SCN9A: variants seen among roughly 807,000 people sequenced by gnomAD.
SCN9A encodes the protein sodium voltage-gated channel alpha subunit 9.
SCN9A carries 131 observed loss-of-function variants against 187.0 expected under a neutral mutation model. The ratio of observed to expected loss-of-function variants is 0.70; its 90% CI spans 0.61 to 0.81. SCN9A has a LOEUF of 0.81. SCN9A is among the 30% of genes least tolerant of loss of function. The pLI is 0.00. For missense variants in SCN9A, 2,252 were observed against 2,396.6 expected (o/e 0.94, Z 1.26); for synonymous variants, 809 against 808.6 (o/e 1.00, Z -0.01).
At chr2:166,372,063 A>G (rs964932894) in intron 1 of SCN9A, among the ~76,000 whole-genome samples, 2 of 149,456 alleles carry the variant, frequency 1.3e-5, no homozygotes, top group African/African-American at 5.0e-5. Flanking sequence ...TAAAGGGGGG[A>G]GGCAAATCAC....
At chr2:166,217,502 A>T (rs1166118056) in intron 24 of SCN9A, among the ~76,000 whole-genome samples, 2 of 152,102 alleles carry the variant, frequency 1.3e-5, no homozygotes, top group Non-Finnish European at 2.9e-5. Flanking sequence ...AAAAAGCTCA[A>T]GCAACTCAAC....
chr2:166,201,259 CTATACA>C (rs1241522007), intron 26 of SCN9A, among the ~76,000 whole-genome samples: 24 of 140,374 alleles, frequency 1.7e-4, no homozygotes, highest in Non-Finnish European at 2.8e-4. Flanking sequence ...TATACATATA[CTATACA>C]TATACATATA....
At chr2:166,343,151 C>G (rs1285684840) in intron 1 of SCN9A, among the ~76,000 whole-genome samples, 1 of 151,714 alleles carries the variant, frequency 6.6e-6, no homozygotes, top group East Asian at 1.9e-4. Context: ...AAAAAGAGCA[C>G]CGATTTTTTT....
chr2:166,296,214 A>T (rs1698293913), intron 7 of SCN9A: 1 of 151,832 alleles, frequency 6.6e-6, no homozygotes, highest in South Asian at 2.1e-4. Context: ...TAAAGTTGTT[A>T]AATAGTATAA....
At chr2:166,360,706 T>C (rs1490144107) in intron 1 of SCN9A, among the ~76,000 whole-genome samples, 1 of 152,158 alleles carries the variant, frequency 6.6e-6, no homozygotes, top group Non-Finnish European at 1.5e-5. Flanking sequence ...ATATCTGTCT[T>C]ATAAAGTTAT....
rs986047440 is a variant in SCN9A, at chr2:166,199,266, G to A, written c.5373C>T (p.Pro1791=). The change falls in exon 27 of 27, where the codon CCC becomes CCT. Residue 1791 remains proline, a synonymous_variant. Coordinates refer to ENST00000642356, the MANE Select transcript of SCN9A (RefSeq NM_001365536.1). ...AGAACTCTATAAACTGGGTCGCATC[G>A]GGATCAAACTTCTCCCAAACCTCAT... ...MFYEVWEKFD[P]DATQFIEFSK... The A allele has an allele frequency of 4.3e-6, 7 of 1,614,118 alleles. No homozygotes were observed. In the East Asian group the frequency reaches 6.7e-5, roughly 15 times the overall value.
At chr2:166,362,530 A>G (rs1000023423) in intron 1 of SCN9A, among the ~76,000 whole-genome samples, 2 of 152,020 alleles carry the variant, frequency 1.3e-5, no homozygotes, top group African/African-American at 2.4e-5. Context: ...CCTCACAGAT[A>G]TAAATAGGAT....
Position 166,302,685 on chromosome 2 carries a change from A to G in SCN9A, c.901+405T>C, listed in dbSNP as rs1020768759. 10 of 149,612 alleles carry G rather than the reference A, an allele frequency of 6.7e-5. No individual in the cohort carries two copies. The South Asian group carries it at 1.3e-3, about 19-fold the overall frequency. The allele number at this position is 149,612 out of a possible 1,614,324, so 9.3% of individuals were successfully genotyped here. A position where few individuals can be genotyped will look rare whatever the true frequency, so the allele number is the denominator to read the frequency against. On this transcript the variant is annotated intron_variant, in intron 7 of 26. Transcript: ENST00000642356. Reference sequence around the variant, plus strand: ...TGAGTACAATCTATTAAGTATAAAAATCTATCATAATAAATATGTCACATT... The same window carrying G: ...TGAGTACAATCTATTAAGTATAAAAGTCTATCATAATAAATATGTCACATT...
At chr2:166,222,251 C>T (rs1694619221) in intron 24 of SCN9A, among the ~76,000 whole-genome samples, 1 of 152,148 alleles carries the variant, frequency 6.6e-6, no homozygotes, top group South Asian at 2.1e-4. Flanking sequence ...ATAGGGAACT[C>T]CTGCAACTTA....
chr2:166,339,000 T>C (rs1304094548), intron 1 of SCN9A, among the ~76,000 whole-genome samples: 1 of 152,152 alleles, frequency 6.6e-6, no homozygotes, highest in Admixed American at 6.6e-5. Context: ...CAGAAATACA[T>C]GGCTTAGAGT....
At chr2:166,235,916 A>T (rs1695299264) in intron 20 of SCN9A, among the ~76,000 whole-genome samples, 2 of 152,128 alleles carry the variant, frequency 1.3e-5, no homozygotes, top group African/African-American at 4.8e-5. Flanking sequence ...AAATAAAACA[A>T]TTTCCATTAT....
chr2:166,303,939 C>A (rs536243045), intron 6 of SCN9A: 2 of 1,263,932 alleles, frequency 1.6e-6, no homozygotes, highest in South Asian at 1.3e-5. Flanking sequence ...CAGAAGAAAT[C>A]AAATTTAATT....
chr2:166,348,184 G>C (rs932456813), intron 1 of SCN9A, among the ~76,000 whole-genome samples: 1 of 150,782 alleles, frequency 6.6e-6, no homozygotes, highest in South Asian at 2.1e-4. Flanking sequence ...CATGTGTAAC[G>C]GTTTGTTGAT....
intron 17 of SCN9A, among the ~76,000 whole-genome samples, chr2:166,252,302 A>C (rs1307273262): frequency 1.3e-5 from 2 of 151,996 alleles, no homozygotes; most frequent in Non-Finnish European, 2.9e-5. Flanking sequence ...CAAATTACTA[A>C]TGCCTGATCA....
At chr2:166,209,267 A>G (rs1458437257) in intron 24 of SCN9A, among the ~76,000 whole-genome samples, 1 of 152,236 alleles carries the variant, frequency 6.6e-6, no homozygotes, top group East Asian at 1.9e-4. Context: ...AGCACAAGGA[A>G]CACAAAGAAT....
chr2:166,309,788 G>T (rs1050642814), intron 2 of SCN9A, among the ~76,000 whole-genome samples: 9 of 147,144 alleles, frequency 6.1e-5, no homozygotes, highest in Admixed American at 4.1e-4. Flanking sequence ...AGCCCGCATC[G>T]CCAAGTCAAT....
At chr2:166,263,456 T>C (rs1441783867) in intron 17 of SCN9A, among the ~76,000 whole-genome samples, 1 of 152,004 alleles carries the variant, frequency 6.6e-6, no homozygotes, top group Non-Finnish European at 1.5e-5. Context: ...TATCTTTCCA[T>C]ATACCTCCTG....
In SCN9A at chr2:166,281,957, G is replaced by C. The variant is rs140570051; in HGVS notation, c.1975-149C>G. 4,857 of 613,162 alleles carry C rather than the reference G, an allele frequency of 7.9e-3. 47 individuals are homozygous for C. Among genetic ancestry groups the C allele is most frequent in the Non-Finnish European group, 8.5e-3 (3,175 of 372,950 alleles). 38.0% of individuals were successfully genotyped at this position (613,162 alleles called of 1,614,324 possible). The stretch of plus-strand genomic sequence containing the variant: ...ATTATGGCTCTGCTACTTACTGGCT[G>C]TATATCATAGGAGAGCTACTTAACT... On this transcript the variant is annotated intron_variant, in intron 12 of 26. Transcript: ENST00000642356.
At position 166,199,695 on chromosome 2, in the gene SCN9A, G is replaced by A. The variant is rs1693387618; in HGVS notation, c.4944C>T (p.Gly1648=). 1 of 1,614,114 alleles carries A rather than the reference G, an allele frequency of 6.2e-7. No individual in the cohort carries two copies. Among genetic ancestry groups the A allele is most frequent in the South Asian group, 1.1e-5 (1 of 91,080 alleles). ...TGAACATGACCAGGAAGAGCAGGAG[G>A]CCGATGTTAAACAACGCAGGAAGGG... is the stretch of plus-strand genomic sequence containing the variant. ...MMSLPALFNI[G]LLLFLVMFIY... Residue 1648 remains glycine (G), a synonymous_variant, in exon 27 of 27, where the codon GGC becomes GGT. Transcript: ENST00000642356.
Sources: gnomAD v4.1 joint callset for allele counts (sites outside exome capture counted in the v4.1 genomes callset) on GRCh38, gnomAD v4.1.1 for gene constraint, MANE v1.5 for transcripts, NCBI Gene and HGNC (gene_info 2026-07-23, HGNC 2026-07-21) for gene names.